The following SLC41A3 variants were observed in gnomAD, a reference collection of about 807,000 sequenced individuals.
SLC41A3 encodes the protein solute carrier family 41 member 3.
SLC41A3 carries 44 observed loss-of-function variants against 45.4 expected under a neutral mutation model. That is an observed-to-expected ratio of 0.97 (90% CI 0.76 to 1.25). SLC41A3 has a LOEUF of 1.25. Among genes scored for constraint, SLC41A3 ranks in the 50% most tolerant of loss-of-function variants. The pLI is 0.00. For synonymous variants in SLC41A3, 256 were observed against 252.4 expected, an observed-to-expected ratio of 1.01 and a Z score of -0.13; for missense variants, 550 against 600.6, an observed-to-expected ratio of 0.92 and a Z score of 0.88.
intron 2 of SLC41A3, among the ~76,000 whole-genome samples, chr3:126,051,546 G>A (rs1277564803): frequency 6.6e-6 from 1 of 152,192 alleles, no homozygotes; most frequent in Admixed American, 6.5e-5. Flanking sequence ...ACCCTGTGGG[G>A]CTCAGGGTTT....
At position 126,008,825 on chromosome 3, in the gene SLC41A3, C is replaced by T. The variant is rs555385608; in HGVS notation, c.1161G>A (p.Leu387=). The T allele has an allele frequency of 4.1e-5, 66 of 1,614,166 alleles. No individual in the cohort carries two copies. The South Asian group carries it at 7.0e-4, about 17-fold the overall frequency. ...VLLLLVVPGH[L]IFFYIIYLVE... ...CCAGGTAGATGATGTAGAAGAAAAT[C>T]AGATGGCCTGGGACCACCAGCAAGA... Residue 387 remains leucine (L), a synonymous_variant, in exon 10 of 11, where the codon CTG becomes CTA. Transcript: ENST00000360370.
At chr3:126,014,375 C>T (rs961214825) in intron 8 of SLC41A3, among the ~76,000 whole-genome samples, 1 of 152,214 alleles carries the variant, frequency 6.6e-6, no homozygotes, top group African/African-American at 2.4e-5. Flanking sequence ...TGGACCTACA[C>T]TCTCCCGAGG....
intron 10 of SLC41A3, 125 bp downstream of exon 10, chr3:126,008,607 A>G: frequency 7.5e-7 from 1 of 1,333,624 alleles, no homozygotes; most frequent in Non-Finnish European, 1.0e-6. Flanking sequence ...CCTGGAAGAT[A>G]AGGACTGTGC....
intron 2 of SLC41A3, among the ~76,000 whole-genome samples, chr3:126,051,837 T>A (rs1199797150): frequency 6.6e-6 from 1 of 152,122 alleles, no homozygotes; most frequent in Non-Finnish European, 1.5e-5. Context: ...ATTCTAGACC[T>A]GGAAACAAAT....
intron 1 of SLC41A3, among the ~76,000 whole-genome samples, chr3:126,083,250 G>A (rs185463830): frequency 6.6e-6 from 1 of 152,254 alleles, no homozygotes; most frequent in African/African-American, 2.4e-5. Flanking sequence ...GGTCAGGGTG[G>A]GGCTGGGGAA....
intron 2 of SLC41A3, among the ~76,000 whole-genome samples, chr3:126,059,791 A>G (rs1197578675): frequency 6.6e-6 from 1 of 152,140 alleles, no homozygotes; most frequent in Non-Finnish European, 1.5e-5. Flanking sequence ...TCACCTGGTT[A>G]AAGACAGAGT....
At chr3:126,010,976 A>G (rs116459967) in intron 9 of SLC41A3, among the ~76,000 whole-genome samples, 2,110 of 152,356 alleles carry the variant, frequency 0.014, 46 homozygotes, top group African/African-American at 0.046. Flanking sequence ...AACATGATCC[A>G]AAGTCTTGTC....
intron 3 of SLC41A3, among the ~76,000 whole-genome samples, chr3:126,050,336 G>A (rs1003994980): frequency 1.3e-5 from 2 of 152,158 alleles, no homozygotes; most frequent in African/African-American, 4.8e-5. Context: ...GATATCACAT[G>A]GGCATCAGAG....
At chr3:126,016,941 G>C (rs1280624757) in intron 6 of SLC41A3, 66 bp from the exon 7 acceptor site, 44 of 1,580,648 alleles carry the variant, frequency 2.8e-5, no homozygotes, top group Non-Finnish European at 3.5e-5. Context: ...GCTGGGCCTG[G>C]GTTTCACAAA....
chr3:126,027,250 C>T (rs1305109742), intron 4 of SLC41A3, among the ~76,000 whole-genome samples: 1 of 124,928 alleles, frequency 8.0e-6, no homozygotes, highest in Non-Finnish European at 1.7e-5. Context: ...ACATCACCGC[C>T]ACCCCCACCC....
upstream of SLC41A3, among the ~76,000 whole-genome samples, chr3:126,088,071 C>T (rs1386564516): frequency 1.3e-5 from 2 of 152,070 alleles, no homozygotes; most frequent in Non-Finnish European, 2.9e-5. Context: ...ATCTCTCCTT[C>T]ACCTTTTGTT....
rs1023369893 is a variant in SLC41A3 at position 126,026,897 on chromosome 3, G to A, written c.454-418C>T. Reference sequence around the variant, plus strand: ...ACCCCACGACACAGAGCAGTCACACGGGAGGACTTCACACACTTTTGGTCT... The same window carrying A: ...ACCCCACGACACAGAGCAGTCACACAGGAGGACTTCACACACTTTTGGTCT... On this transcript the variant is annotated intron_variant, in intron 4 of 10. Transcript: ENST00000360370. This position sits in a 1 kb window ranked among gnomAD's most constrained non-coding sequence, Gnocchi z 4.2. 1.3e-5 allele frequency among the ~76,000 whole-genome samples: 2 copies of A among 152,070 alleles called. No individual in the cohort carries two copies. Among genetic ancestry groups the A allele is most frequent in the African/African-American group, 2.4e-5 (1 of 41,418 alleles).
intron 1 of SLC41A3, 114 bp from the exon 2 acceptor site, chr3:126,068,360 A>C: frequency 2.1e-6 from 2 of 934,876 alleles, no homozygotes; most frequent in African/African-American, 1.6e-5. Context: ...CATCCAACCC[A>C]CAGCCCTTAC....
chr3:126,057,252 G>A (rs775337243), intron 2 of SLC41A3: 44 of 786,576 alleles, frequency 5.6e-5, no homozygotes, highest in Admixed American at 1.2e-4. Context: ...AGAAAAAAAC[G>A]CAGGCCTGTT....
intron 1 of SLC41A3, among the ~76,000 whole-genome samples, chr3:126,097,023 A>G (rs543600272): frequency 6.6e-6 from 1 of 152,318 alleles, no homozygotes; most frequent in Non-Finnish European, 1.5e-5. Context: ...ACAGGAATGA[A>G]AGGAAGGTGT....
upstream of SLC41A3, among the ~76,000 whole-genome samples, chr3:126,084,620 T>C (rs1241453930): frequency 6.6e-6 from 1 of 152,214 alleles, no homozygotes; most frequent in African/African-American, 2.4e-5. Context: ...CTTTAAATAC[T>C]CGAGTATGTT....
chr3:126,020,594 A>C (rs1940760172), intron 6 of SLC41A3, among the ~76,000 whole-genome samples: 1 of 152,230 alleles, frequency 6.6e-6, no homozygotes, highest in Non-Finnish European at 1.5e-5. Flanking sequence ...CTCCTCAGCC[A>C]GGGCACTCTT....
chr3:126,053,306 G>T (rs1273709906), intron 2 of SLC41A3, among the ~76,000 whole-genome samples: 1 of 152,182 alleles, frequency 6.6e-6, no homozygotes, highest in Non-Finnish European at 1.5e-5. Context: ...ACCATGTGAA[G>T]ACACAGGGCC....
chr3:126,015,574 C>G lies in SLC41A3; in HGVS notation c.891-1G>C, dbSNP rs1199808546. The G allele has an allele frequency of 1.9e-6, 3 of 1,614,156 alleles. No individual in the cohort carries two copies. The South Asian group carries it at 3.3e-5, about 18-fold the overall frequency. On this transcript the variant is annotated splice_acceptor_variant, in intron 7 of 10. Transcript: ENST00000360370. LOFTEE classifies it high-confidence loss of function. ...TTTGCTCAAGATGAGTCCTCCGAAA[C>G]TGGGGAAATAGCAGACAGCAGTCAA...
Sources: gnomAD v4.1 joint callset for allele counts (sites outside exome capture counted in the v4.1 genomes callset) on GRCh38, gnomAD v4.1.1 for gene constraint, Gnocchi (gnomAD v3.1) non-coding constraint, MANE v1.5 for transcripts, NCBI Gene and HGNC (gene_info 2026-07-23, HGNC 2026-07-21) for gene names.